Variants in SHANK1 observed in about 807,000 individuals in gnomAD.
SHANK1 encodes SH3 and multiple ankyrin repeat domains protein 1.
A neutral mutation model predicts 165.6 loss-of-function variants in SHANK1; 35 were observed. The observed-to-expected ratio is 0.21, with a 90% CI of 0.16 to 0.28. The LOEUF (loss-of-function observed/expected upper bound fraction) is 0.28, where lower values mean the gene tolerates loss of function less well. Ranked by LOEUF, SHANK1 falls within the 10% of genes least tolerant of loss-of-function variation. The pLI, the probability that SHANK1 is intolerant of heterozygous loss-of-function variation, is 1.00. For synonymous variants in SHANK1, 1,428 were observed against 1,384.8 expected, an observed-to-expected ratio of 1.03 and a Z score of -0.69; for missense variants, 2,681 against 3,036.4, an observed-to-expected ratio of 0.88 and a Z score of 2.75.
At chr19:50,715,521 C>T (rs1350726796) in intron 4 of SHANK1, 138 bp downstream of exon 4, 6 of 731,162 alleles carry the variant, frequency 8.2e-6, no homozygotes, top group African/African-American at 3.8e-5. Context: ...CCAAGTTAAG[C>T]GGGGGCAGTG....
rs2123051692 is a variant in SHANK1, at chr19:50,660,300, G to A, written c.*1665C>T. Among the ~76,000 whole-genome samples the A allele has an allele frequency of 6.6e-6, 1 of 152,156 alleles. No individual in the cohort carries two copies. The highest frequency in any genetic ancestry group is 6.5e-5 in the Admixed American group (1 of 15,284). On this transcript the variant is annotated 3_prime_UTR_variant, in exon 24 of 24. Transcript: ENST00000293441. ...TTCTTGGAGTGGACAGGTTAGGAGAGGGCAATCTTCGTGCAAAAGGGATGG... is the reference window on the plus strand; with the variant it reads ...TTCTTGGAGTGGACAGGTTAGGAGAAGGCAATCTTCGTGCAAAAGGGATGG...
intron 11 of SHANK1, among the ~76,000 whole-genome samples, chr19:50,703,033 C>A (rs916246374): frequency 2.2e-4 from 33 of 152,200 alleles, no homozygotes; most frequent in Admixed American, 2.0e-4. Flanking sequence ...GCCTCTCCCC[C>A]ACTTCCTCGG....
Position 50,661,837 on chromosome 19 carries a change from G to T in SHANK1, c.*128C>A. The T allele has an allele frequency of 9.4e-7, 1 of 1,066,684 alleles. No individual in the cohort carries two copies. 66.1% of individuals were successfully genotyped at this position (1,066,684 alleles called of 1,614,324 possible). A position where few individuals can be genotyped will look rare whatever the true frequency, so the allele number is the denominator to read the frequency against. Reference sequence around the variant, plus strand: ...CACCTGGTGACCTCTGGCCTTGGGAGATGAGGGCAGGGCGCAGTTTGAACA... The same window carrying T: ...CACCTGGTGACCTCTGGCCTTGGGATATGAGGGCAGGGCGCAGTTTGAACA... On this transcript the variant is annotated 3_prime_UTR_variant, in exon 24 of 24. Coordinates refer to ENST00000293441, the MANE Select transcript of SHANK1 (RefSeq NM_016148.5).
At position 50,662,555 on chromosome 19, in the gene SHANK1, GGGCCGCAGC is replaced by G. The variant is rs775592744; in HGVS notation, c.5887_5895del (p.Ala1963_Ala1965del). 4 of 1,561,338 alleles carry G rather than the reference GGGCCGCAGC, an allele frequency of 2.6e-6. No individual in the cohort carries two copies. Among genetic ancestry groups the G allele is most frequent in the Non-Finnish European group, 3.5e-6 (4 of 1,152,378 alleles). On this transcript the variant is annotated inframe_deletion, in exon 24 of 24. Transcript: ENST00000293441. The surrounding 1 kb of genome is among the most constrained non-coding windows in gnomAD (Gnocchi z 7.7). ...GAGGCTGAGGGTGAGGTGGCCCCTG[GGGCCGCAGC>G]GGCTGTAGGGGAGACCCCTGTTCCG...
rs1161110490 is a variant in SHANK1, at chr19:50,667,501, G to A, written c.4459C>T (p.Arg1487Trp). Reference protein sequence around the residue: ...WRSAAPEEPERLPLHVRFLEN... With the variant: ...WRSAAPEEPEWLPLHVRFLEN... Reference sequence around the variant, plus strand: ...AGGAACCGCACGTGCAGCGGCAGCCGCTCGGGTTCTTCGGGGGCTGCGGAC... The same window carrying A: ...AGGAACCGCACGTGCAGCGGCAGCCACTCGGGTTCTTCGGGGGCTGCGGAC... The change falls in exon 23 of 24, where the codon CGG becomes TGG. Residue 1487 changes from arginine (R) to tryptophan (W), a missense_variant. By Grantham distance (101) the Arg-to-Trp change is moderately radical. Transcript: ENST00000293441. This position sits in a 1 kb window ranked among gnomAD's most constrained non-coding sequence, Gnocchi z 5.7. 2 of 1,524,870 alleles carry A rather than the reference G, an allele frequency of 1.3e-6. No individual in the cohort carries two copies. The highest frequency in any genetic ancestry group is 1.2e-5 in the South Asian group (1 of 80,620). The allele number at this position is 1,524,870 out of a possible 1,614,324, so 94.5% of individuals were successfully genotyped here.
chr19:50,666,197 C>A lies in SHANK1; in HGVS notation c.5763G>T (p.Arg1921=). 1 of 1,592,500 alleles carries A rather than the reference C, an allele frequency of 6.3e-7. No individual in the cohort carries two copies. Among genetic ancestry groups the A allele is most frequent in the Non-Finnish European group, 8.5e-7 (1 of 1,169,976 alleles). The stretch of plus-strand genomic sequence containing the variant: ...GGCCACCAGCCCCCGCTTACCTCTG[C>A]CGCTGCAGGGAGGAGGTCCTCTCGG... ...YVPERTSSLQ[R]QRLSDDSQSS... Residue 1921 remains arginine, a synonymous_variant, in exon 23 of 24, where the codon CGG becomes CGT. Coordinates refer to ENST00000293441, the MANE Select transcript of SHANK1 (RefSeq NM_016148.5).
chr19:50,703,929 G>A (rs897424580), intron 10 of SHANK1, 99 bp from the exon 11 acceptor site: 1 of 706,486 alleles, frequency 1.4e-6, no homozygotes, highest in Non-Finnish European at 2.4e-6. Context: ...AGGCATGAGG[G>A]AGAAAGACAG....
At position 50,686,698 on chromosome 19, in the gene SHANK1, GGGGCTGGGGCCCGGCATCCCGAGGAGCA is replaced by G. The variant is rs1408467143; in HGVS notation, c.2458+18_2458+45del. ...GTGGGACAGGGATGCAGCGGGTGCCGGGGCTGGGGCCCGGCATCCCGAGGAGCAGGGCTGGGCCGTCTTACTGAGAGCC... is the reference window on the plus strand; with the variant it reads ...GTGGGACAGGGATGCAGCGGGTGCCGGGGCTGGGCCGTCTTACTGAGAGCC... On this transcript the variant is annotated intron_variant, in intron 20 of 23. Coordinates refer to ENST00000293441, the MANE Select transcript of SHANK1 (RefSeq NM_016148.5). The surrounding 1 kb of genome is among the most constrained non-coding windows in gnomAD (Gnocchi z 5.7). The G allele has an allele frequency of 1.9e-6, 3 of 1,577,568 alleles. No individual in the cohort carries two copies. Among genetic ancestry groups the G allele is most frequent in the African/African-American group, 2.7e-5 (2 of 74,002 alleles).
At chr19:50,684,094 A>C (rs1352732593) in intron 21 of SHANK1, among the ~76,000 whole-genome samples, 1 of 152,184 alleles carries the variant, frequency 6.6e-6, no homozygotes, top group Admixed American at 6.5e-5. Flanking sequence ...CTGGTTGTGA[A>C]GAAGTTTGTT....
chr19:50,665,737 T>TAAAAAAAAAA lies in SHANK1; in HGVS notation c.5768+445_5768+454dup, dbSNP rs71182756. Reference sequence around the variant, plus strand: ...GGGTGACAGAGTGAGACCCTGTTTCTAAAAAAAAAAAAAAAGCCAGGCATG... The same window carrying TAAAAAAAAAA: ...GGGTGACAGAGTGAGACCCTGTTTCTAAAAAAAAAAAAAAAAAAAAAAAAAGCCAGGCATG... On this transcript the variant is annotated intron_variant, in intron 23 of 23. Transcript: ENST00000293441. Among the ~76,000 whole-genome samples the TAAAAAAAAAA allele has an allele frequency of 1.7e-4, 17 of 98,164 alleles. 3 individuals are homozygous for TAAAAAAAAAA. Among genetic ancestry groups the TAAAAAAAAAA allele is most frequent in the Non-Finnish European group, 2.9e-4 (15 of 51,832 alleles). 64.4% of individuals were successfully genotyped at this position (98,164 alleles called of 152,430 possible). A position where few individuals can be genotyped will look rare whatever the true frequency, so the allele number is the denominator to read the frequency against.
At position 50,662,791 on chromosome 19, in the gene SHANK1, A is replaced by T; in HGVS notation, c.5769-109T>A. ...ATAGGGAGAGAGGAGGAGAGACATA[A>T]GGGTAGGGGGAGAGACGGAGGAGAG... On this transcript the variant is annotated intron_variant, in intron 23 of 23. Transcript: ENST00000293441. The surrounding 1 kb of genome is among the most constrained non-coding windows in gnomAD (Gnocchi z 7.7). 1.9e-6 allele frequency: 2 copies of T among 1,076,116 alleles called. No homozygotes were observed. Among genetic ancestry groups the T allele is most frequent in the Non-Finnish European group, 2.7e-6 (2 of 742,996 alleles). 66.7% of individuals were successfully genotyped at this position (1,076,116 alleles called of 1,614,324 possible). A position where few individuals can be genotyped will look rare whatever the true frequency, so the allele number is the denominator to read the frequency against.
chr19:50,714,160 C>A, intron 5 of SHANK1, 22 bp downstream of exon 5: 1 of 1,608,216 alleles, frequency 6.2e-7, no homozygotes. Context: ...CTGAGGTCCT[C>A]CTGATGCGCA....
At position 50,668,230 on chromosome 19, in the gene SHANK1, C is replaced by T; in HGVS notation, c.3730G>A (p.Gly1244Arg). ...CGGCGCGCCTCATTCTGCCAGCCCC[C>T]CTCCCTCCGGGCCGCCCCCACCAGG... The part of the protein sequence containing the change: ...AALVGAARRE[G>R]GWQNEARRRS... Residue 1244 changes from glycine (G) to arginine (R), a missense_variant, in exon 23 of 24, where the codon GGG (glycine) becomes AGG (arginine). By Grantham distance (125) the Gly-to-Arg change is moderately radical. Transcript: ENST00000293441. 1 of 1,484,130 alleles carries T rather than the reference C, an allele frequency of 6.7e-7. No homozygotes were observed. The highest frequency in any genetic ancestry group is 1.3e-5 in the South Asian group (1 of 75,056). 91.9% of individuals were successfully genotyped at this position (1,484,130 alleles called of 1,614,324 possible).
chr19:50,662,820 G>A lies in SHANK1; in HGVS notation c.5769-138C>T. ...TAGGGGGAGAGACGGAGGAGAGACG[G>A]GAAGAAATGGAGGGAGCAAGGGGTA... is the stretch of plus-strand genomic sequence containing the variant. On this transcript the variant is annotated intron_variant, in intron 23 of 23. Coordinates refer to ENST00000293441, the MANE Select transcript of SHANK1 (RefSeq NM_016148.5). This position sits in a 1 kb window ranked among gnomAD's most constrained non-coding sequence, Gnocchi z 7.7. The A allele has an allele frequency of 1.2e-6, 1 of 846,064 alleles. No individual in the cohort carries two copies. The highest frequency in any genetic ancestry group is 1.8e-6 in the Non-Finnish European group (1 of 543,242). 52.4% of individuals were successfully genotyped at this position (846,064 alleles called of 1,614,324 possible). A position where few individuals can be genotyped will look rare whatever the true frequency, so the allele number is the denominator to read the frequency against.
In SHANK1 at chr19:50,686,714, A is replaced by G. The variant is rs1986350729; in HGVS notation, c.2458+30T>C. 6.2e-7 allele frequency: 1 copy of G among 1,604,386 alleles called. No individual in the cohort carries two copies. The highest frequency in any genetic ancestry group is 1.1e-5 in the South Asian group (1 of 90,782). On this transcript the variant is annotated intron_variant, in intron 20 of 23. Coordinates refer to ENST00000293441, the MANE Select transcript of SHANK1 (RefSeq NM_016148.5). This position sits in a 1 kb window ranked among gnomAD's most constrained non-coding sequence, Gnocchi z 5.7. ...GCGGGTGCCGGGGCTGGGGCCCGGC[A>G]TCCCGAGGAGCAGGGCTGGGCCGTC...
In SHANK1 at chr19:50,719,161, T is replaced by G. The variant is rs145816457; in HGVS notation, c.-44+245A>C. ...GGAGGCGGGTTCGGGATAGGGGCTC[T>G]GCTGGCCGGGGGTGGGGGGCGCGCC... On this transcript the variant is annotated intron_variant, in intron 1 of 23. Transcript: ENST00000293441. Among the ~76,000 whole-genome samples the G allele has an allele frequency of 0.013, 1,339 of 100,980 alleles. 32 individuals are homozygous for G. In the East Asian group the frequency reaches 0.18, roughly 13 times the overall value. The allele number at this position is 100,980 out of a possible 152,430, so 66.2% of individuals were successfully genotyped here. A position where few individuals can be genotyped will look rare whatever the true frequency, so the allele number is the denominator to read the frequency against.
At chr19:50,672,802 G>T (rs1439208438) in intron 21 of SHANK1, among the ~76,000 whole-genome samples, 1 of 152,040 alleles carries the variant, frequency 6.6e-6, no homozygotes, top group Non-Finnish European at 1.5e-5. Context: ...GTTCCAGTCT[G>T]TTTTCCACAC....
In SHANK1 at chr19:50,690,280, G is replaced by A. The variant is rs959947568; in HGVS notation, c.1965-1001C>T. ...ATTTAGGTAAGGCTCACGTACCCAGGAAATGTCAATGAAACTCAGATACAG... is the reference window on the plus strand; with the variant it reads ...ATTTAGGTAAGGCTCACGTACCCAGAAAATGTCAATGAAACTCAGATACAG... On this transcript the variant is annotated intron_variant, in intron 15 of 23. Transcript: ENST00000293441. This position sits in a 1 kb window ranked among gnomAD's most constrained non-coding sequence, Gnocchi z 4.9. 1.7e-4 allele frequency among the ~76,000 whole-genome samples: 26 copies of A among 152,006 alleles called. 1 individual carries two copies. Among genetic ancestry groups the A allele is most frequent in the Admixed American group, 1.6e-3 (25 of 15,264 alleles).
intron 15 of SHANK1, among the ~76,000 whole-genome samples, chr19:50,696,282 C>G (rs1288964300): frequency 6.6e-6 from 1 of 152,134 alleles, no homozygotes; most frequent in East Asian, 1.9e-4. Context: ...GGGTGTACCC[C>G]AATACTCACC....
Sources: gnomAD v4.1 joint callset for allele counts (sites outside exome capture counted in the v4.1 genomes callset) on GRCh38, gnomAD v4.1.1 for gene constraint, Gnocchi (gnomAD v3.1) non-coding constraint, MANE v1.5 for transcripts, NCBI Gene and HGNC (gene_info 2026-07-23, HGNC 2026-07-21) for gene names.